TRMT61B: variants seen among roughly 807,000 people sequenced by gnomAD.
TRMT61B encodes tRNA (adenine(58)-N(1))-methyltransferase, mitochondrial.
In TRMT61B, 56 loss-of-function variants were observed where a neutral mutation model predicts 52.0. The observed-to-expected ratio is 1.08, with a 90% CI of 0.87 to 1.35. The LOEUF (loss-of-function observed/expected upper bound fraction) is 1.35, where lower values mean the gene tolerates loss of function less well. TRMT61B is among the 40% of genes most tolerant of loss of function. The probability of loss-of-function intolerance (pLI) is 0.00; values close to 1 mark genes in which losing one functional copy is unlikely to be tolerated. For missense variants in TRMT61B, 650 were observed against 577.9 expected, an observed-to-expected ratio of 1.12 and a Z score of -1.28; for synonymous variants, 206 against 220.0, an observed-to-expected ratio of 0.94 and a Z score of 0.56.
Position 28,850,224 on chromosome 2 carries a change from C to T in TRMT61B, c.1409G>A (p.Arg470Lys), listed in dbSNP as rs771102214. Residue 470 changes from arginine to lysine, a missense_variant, in exon 7 of 7, where the codon AGG (arginine) becomes AAG (lysine). Transcript: ENST00000306108. ...TCAGTTAAGTTGTGGTTTGACCTTC[C>T]TCAACTTGACAAGAAAAGCTAATTT... ...PGHTAFLVKL[R>K]KVKPQLN 6.2e-7 allele frequency: 1 copy of T among 1,611,378 alleles called. No homozygotes were observed. Among genetic ancestry groups the T allele is most frequent in the South Asian group, 1.1e-5 (1 of 90,590 alleles).
At chr2:28,858,483 C>T (rs1168764426) in intron 3 of TRMT61B, among the ~76,000 whole-genome samples, 1 of 151,806 alleles carries the variant, frequency 6.6e-6, no homozygotes, top group African/African-American at 2.4e-5. Context: ...TCAGATCTGG[C>T]CACCAGAAGT....
intron 1 of TRMT61B, among the ~76,000 whole-genome samples, chr2:28,865,719 C>T (rs1226748253): frequency 6.9e-6 from 1 of 145,938 alleles, no homozygotes; most frequent in Non-Finnish European, 1.5e-5. Flanking sequence ...TCACTCTTGT[C>T]CCCCAGGCTG....
chr2:28,854,457 T>C (rs564662017), intron 3 of TRMT61B, among the ~76,000 whole-genome samples: 2 of 151,654 alleles, frequency 1.3e-5, no homozygotes, highest in South Asian at 2.1e-4. Context: ...ATAAAAAAAA[T>C]GGCAGGGTGC....
At position 28,865,672 on chromosome 2, in the gene TRMT61B, CTTTTTTTTTTTTT is replaced by C. The variant is rs70958219; in HGVS notation, c.700-566_700-554del. 6.2e-5 allele frequency among the ~76,000 whole-genome samples: 5 copies of C among 80,078 alleles called. No homozygotes were observed. The Admixed American group carries it at 6.8e-4, about 11-fold the overall frequency. The allele number at this position is 80,078 out of a possible 152,430, so 52.5% of individuals were successfully genotyped here. ...ATCTCTGCATAAAATGATGAATTTC[CTTTTTTTTTTTTT>C]TTTTTTTTTTGGGAGACGAAGTCTC... is the stretch of plus-strand genomic sequence containing the variant. On this transcript the variant is annotated intron_variant, in intron 1 of 6. Transcript: ENST00000306108.
rs964990430 is a variant in TRMT61B, at chr2:28,865,005, C to G, written c.802+12G>C. 6.5e-7 allele frequency: 1 copy of G among 1,544,396 alleles called. No individual in the cohort carries two copies. Among genetic ancestry groups the G allele is most frequent in the African/African-American group, 1.4e-5 (1 of 73,666 alleles). On this transcript the variant is annotated intron_variant, in intron 2 of 6. Transcript: ENST00000306108. ...CTTTGTTACTGAGATCCAGCTCAGTCCAATCTCTTACCTGCTTTGGATAAA... is the reference window on the plus strand; with the variant it reads ...CTTTGTTACTGAGATCCAGCTCAGTGCAATCTCTTACCTGCTTTGGATAAA...
In TRMT61B at chr2:28,865,226, A is replaced by C. The variant is rs994432848; in HGVS notation, c.700-107T>G. 8 of 622,810 alleles carry C rather than the reference A, an allele frequency of 1.3e-5. No homozygotes were observed. In the East Asian group the frequency reaches 2.2e-4, roughly 17 times the overall value. 38.6% of individuals were successfully genotyped at this position (622,810 alleles called of 1,614,324 possible). On this transcript the variant is annotated intron_variant, in intron 1 of 6. Coordinates refer to ENST00000306108, the MANE Select transcript of TRMT61B (RefSeq NM_017910.4). ...TGCAGAAGAAGGGAGTGAAAAAACG[A>C]ATCAGACTCTGGACCTGCCTTCAGT...
intron 3 of TRMT61B, among the ~76,000 whole-genome samples, chr2:28,856,528 G>A (rs1205375544): frequency 6.6e-6 from 1 of 152,078 alleles, no homozygotes; most frequent in Non-Finnish European, 1.5e-5. Context: ...CCTCATGACT[G>A]CATTTACAGA....
Position 28,861,257 on chromosome 2 carries a change from T to C in TRMT61B, c.854A>G (p.Asp285Gly), listed in dbSNP as rs759048406. The change falls in exon 3 of 7, where the codon GAT (aspartate) becomes GGT (glycine). Residue 285 changes from aspartate (D) to glycine (G), a missense_variant. By Grantham distance (94) the Asp-to-Gly change is moderately conservative (BLOSUM62 -1). Transcript: ENST00000306108. ...ISFEVRKDHH[D>G]LAKKNYKHWR... ...GTGTTTGTAATTCTTCTTAGCCAGA[T>C]CATGGTGGTCTTTTCGTACCTCAAA... 3.1e-6 allele frequency: 5 copies of C among 1,611,510 alleles called. No individual in the cohort carries two copies. The highest frequency in any genetic ancestry group is 4.2e-6 in the Non-Finnish European group (5 of 1,179,368).
chr2:28,850,657 A>G, intron 5 of TRMT61B: 1 of 401,174 alleles, frequency 2.5e-6, no homozygotes, highest in Non-Finnish European at 4.4e-6. Context: ...AAACTTGTTC[A>G]TGGCCTAAAT....
intron 1 of TRMT61B, among the ~76,000 whole-genome samples, chr2:28,865,339 A>G (rs1452703945): frequency 1.3e-5 from 2 of 152,226 alleles, no homozygotes; most frequent in African/African-American, 2.4e-5. Flanking sequence ...ATTACAGACA[A>G]TAAGTTCATA....
Position 28,861,163 on chromosome 2 carries a change from G to A in TRMT61B, c.948C>T (p.Asp316=), listed in dbSNP as rs1313809189. 9.3e-6 allele frequency: 15 copies of A among 1,611,218 alleles called. No individual in the cohort carries two copies. The highest frequency in any genetic ancestry group is 1.3e-5 in the Non-Finnish European group (15 of 1,179,338). The change falls in exon 3 of 7, where the codon GAC becomes GAT. Residue 316 remains aspartate, a synonymous_variant. Transcript: ENST00000306108. ...TTATGTCTTCGGTTGCTCCTGAAAT[G>A]TCCTTATGAATAAAATCCACATTGT... is the stretch of plus-strand genomic sequence containing the variant. ...WPDNVDFIHK[D]ISGATEDIKS...
chr2:28,865,190 A>G (rs1437101185), intron 1 of TRMT61B, 71 bp from the exon 2 acceptor site: 2 of 853,000 alleles, frequency 2.3e-6, no homozygotes, highest in East Asian at 2.6e-5. Context: ...CTTATCTTAC[A>G]TTGTTGGGTG....
chr2:28,869,578 C>T lies in TRMT61B; in HGVS notation c.699+1G>A. On this transcript the variant is annotated splice_donor_variant, in intron 1 of 6. Coordinates refer to ENST00000306108, the MANE Select transcript of TRMT61B (RefSeq NM_017910.4). LOFTEE classifies it high-confidence loss of function. Reference sequence around the variant, plus strand: ...TACACACCTTATCTCCATCGCATTACCTTTGGGAATGTTATGGCAGTCCCT... The same window carrying T: ...TACACACCTTATCTCCATCGCATTATCTTTGGGAATGTTATGGCAGTCCCT... 6.2e-7 allele frequency: 1 copy of T among 1,605,672 alleles called. No homozygotes were observed. Among genetic ancestry groups the T allele is most frequent in the Non-Finnish European group, 8.5e-7 (1 of 1,173,676 alleles).
At chr2:28,855,063 G>A (rs1358908286) in intron 3 of TRMT61B, among the ~76,000 whole-genome samples, 1 of 152,148 alleles carries the variant, frequency 6.6e-6, no homozygotes, top group East Asian at 1.9e-4. Context: ...GGGGAGAAGT[G>A]AGCTCCTGGT....
chr2:28,859,229 G>A lies in TRMT61B; in HGVS notation c.993+1889C>T, dbSNP rs182536974. Among the ~76,000 whole-genome samples the A allele has an allele frequency of 5.8e-3, 883 of 152,114 alleles. 7 individuals are homozygous for A. Among genetic ancestry groups the A allele is most frequent in the African/African-American group, 0.02 (838 of 41,502 alleles). The stretch of plus-strand genomic sequence containing the variant: ...CGAGTAGGTGGGACCACAGGCACCC[G>A]CCACCACGCCCGGCTAATTTTTTAT... On this transcript the variant is annotated intron_variant, in intron 3 of 6. Coordinates refer to ENST00000306108, the MANE Select transcript of TRMT61B (RefSeq NM_017910.4).
intron 1 of TRMT61B, among the ~76,000 whole-genome samples, chr2:28,867,222 C>T (rs566982723): frequency 8.6e-5 from 13 of 151,808 alleles, no homozygotes; most frequent in African/African-American, 1.7e-4. Flanking sequence ...CAGCCTCCTG[C>T]GTAGCTGGGA....
Position 28,850,933 on chromosome 2 carries a change from C to T in TRMT61B, c.1312+139G>A, listed in dbSNP as rs553723783. The T allele has an allele frequency of 2.6e-4, 146 of 560,198 alleles. No individual in the cohort carries two copies. In the African/African-American group the frequency reaches 2.6e-3, roughly 10 times the overall value. 34.7% of individuals were successfully genotyped at this position (560,198 alleles called of 1,614,324 possible). ...GGCAGGAAAAGTCATTATTCTGTGC[C>T]TTATACATCTTAACAGAATAAATAT... On this transcript the variant is annotated intron_variant, in intron 5 of 6. Transcript: ENST00000306108.
chr2:28,852,297 AGTTTT>A, intron 4 of TRMT61B, 106 bp downstream of exon 4: 3 of 457,292 alleles, frequency 6.6e-6, no homozygotes, highest in Non-Finnish European at 1.1e-5. Flanking sequence ...TGGGTGACAG[AGTTTT>A]TTTCTGTCTC....
chr2:28,856,631 TTTAA>T (rs1364326662), intron 3 of TRMT61B, among the ~76,000 whole-genome samples: 1 of 152,106 alleles, frequency 6.6e-6, no homozygotes, highest in African/African-American at 2.4e-5. Context: ...TTTTATCTTA[TTTAA>T]TTAAATTTTT....
Sources: allele counts gnomAD v4.1 joint callset (sites outside exome capture counted in the v4.1 genomes callset), GRCh38; gene constraint gnomAD v4.1.1; transcripts MANE v1.5; gene names NCBI Gene and HGNC (gene_info 2026-07-23, HGNC 2026-07-21).